The following MARCHF1 variants were observed in gnomAD, a reference collection of about 807,000 sequenced individuals.
The protein encoded by MARCHF1 is membrane associated ring-CH-type finger 1.
A neutral mutation model predicts 54.2 loss-of-function variants in MARCHF1; 40 were observed. That is an observed-to-expected ratio of 0.74 (90% CI 0.57 to 0.96). The LOEUF is 0.96. Ranked by LOEUF, MARCHF1 falls within the 40% of genes least tolerant of loss-of-function variation. The pLI is 0.00. For missense variants in MARCHF1, 586 were observed against 656.5 expected (o/e 0.89, Z 1.17); for synonymous variants, 236 against 236.3 (o/e 1.00, Z 0.01).
At chr4:163,834,112 CA>C (rs1749109357) in intron 4 of MARCHF1, among the ~76,000 whole-genome samples, 1 of 152,052 alleles carries the variant, frequency 6.6e-6, no homozygotes, top group Non-Finnish European at 1.5e-5. Flanking sequence ...TGTTCTCTAA[CA>C]AAAATAAAAC....
At chr4:164,296,575 G>T in intron 1 of MARCHF1, among the ~76,000 whole-genome samples, 1 of 151,864 alleles carries the variant, frequency 6.6e-6, no homozygotes, top group Admixed American at 6.6e-5. Context: ...TCACCATGTT[G>T]GCCAGGCTGG....
At chr4:164,188,495 T>G in intron 1 of MARCHF1, 1 of 679,622 alleles carries the variant, frequency 1.5e-6, no homozygotes, top group Non-Finnish European at 2.7e-6. Context: ...GACCACCTAC[T>G]GCTGCGTCTG....
chr4:163,673,319 T>A (rs1207834887), intron 5 of MARCHF1, among the ~76,000 whole-genome samples: 2 of 152,216 alleles, frequency 1.3e-5, no homozygotes, highest in Admixed American at 1.3e-4. Flanking sequence ...AATCTAAGGA[T>A]GTTGACGAGG....
intron 4 of MARCHF1, among the ~76,000 whole-genome samples, chr4:163,833,542 C>G (rs1749090938): frequency 6.6e-6 from 1 of 152,018 alleles, no homozygotes; most frequent in Non-Finnish European, 1.5e-5. Context: ...ACAACCCCAT[C>G]AAAAAGTGGG....
intron 1 of MARCHF1, among the ~76,000 whole-genome samples, chr4:164,179,687 T>A (rs1188975354): frequency 6.6e-6 from 1 of 152,028 alleles, no homozygotes; most frequent in Non-Finnish European, 1.5e-5. Context: ...TAGGCTAATA[T>A]AACAAATATC....
intron 8 of MARCHF1, among the ~76,000 whole-genome samples, chr4:163,565,456 T>G (rs1340560971): frequency 6.6e-6 from 1 of 152,112 alleles, no homozygotes; most frequent in Non-Finnish European, 1.5e-5. Flanking sequence ...CATCAAGAAA[T>G]CCATGGCAAT....
At chr4:163,900,890 T>G (rs1233912258) in intron 3 of MARCHF1, among the ~76,000 whole-genome samples, 1 of 152,202 alleles carries the variant, frequency 6.6e-6, no homozygotes, top group African/African-American at 2.4e-5. Context: ...ATATATCATT[T>G]AACAATTAAC....
intron 3 of MARCHF1, among the ~76,000 whole-genome samples, chr4:163,944,339 G>A (rs931566383): frequency 6.6e-6 from 1 of 152,092 alleles, no homozygotes; most frequent in East Asian, 1.9e-4. Context: ...GTGGTCAGTA[G>A]ATAAGACTCT....
chr4:164,356,123 C>G (rs934862723), intron 1 of MARCHF1, among the ~76,000 whole-genome samples: 1 of 126,264 alleles, frequency 7.9e-6, no homozygotes, highest in Non-Finnish European at 1.8e-5. Context: ...ACAACAGGTG[C>G]TGGAGAGGAT....
intron 2 of MARCHF1, among the ~76,000 whole-genome samples, chr4:164,085,582 T>C (rs943627017): frequency 4.0e-5 from 6 of 151,878 alleles, no homozygotes; most frequent in Admixed American, 1.3e-4. Context: ...CATTCCCTTA[T>C]TGGCATTTCA....
At chr4:163,577,253 A>G (rs1162464686) in intron 8 of MARCHF1, among the ~76,000 whole-genome samples, 2 of 152,060 alleles carry the variant, frequency 1.3e-5, no homozygotes, top group African/African-American at 4.8e-5. Flanking sequence ...TCCCTTAAGG[A>G]TCACTTATAA....
intron 4 of MARCHF1, among the ~76,000 whole-genome samples, chr4:163,713,067 T>C (rs939241033): frequency 6.6e-6 from 1 of 152,106 alleles, no homozygotes; most frequent in African/African-American, 2.4e-5. Flanking sequence ...TCTCTCTTCA[T>C]TATTTAGAGT....
intron 4 of MARCHF1, among the ~76,000 whole-genome samples, chr4:163,787,494 C>T (rs879640206): frequency 2.6e-5 from 4 of 151,480 alleles, no homozygotes; most frequent in Admixed American, 6.6e-5. Flanking sequence ...ACTAATCCTT[C>T]GGAAAATGCA....
At chr4:164,241,314 AG>A (rs1191743744) in intron 1 of MARCHF1, among the ~76,000 whole-genome samples, 1 of 152,186 alleles carries the variant, frequency 6.6e-6, no homozygotes, top group East Asian at 1.9e-4. Context: ...AAATACCTCC[AG>A]TCCTTCCACT....
At chr4:164,345,528 C>A (rs184697907) in intron 1 of MARCHF1, among the ~76,000 whole-genome samples, 33 of 151,416 alleles carry the variant, frequency 2.2e-4, no homozygotes, top group Admixed American at 1.1e-3. Flanking sequence ...CAAGATGGTG[C>A]CACTGCACTC....
intron 8 of MARCHF1, among the ~76,000 whole-genome samples, chr4:163,558,451 A>T (rs1236991230): frequency 1.3e-5 from 2 of 152,174 alleles, no homozygotes; most frequent in Non-Finnish European, 2.9e-5. Context: ...AGAAGATAGA[A>T]GGTTCTCTGG....
chr4:163,745,072 T>C lies in MARCHF1; in HGVS notation c.112-44209A>G, dbSNP rs150879297. On this transcript the variant is annotated intron_variant, in intron 4 of 9. Transcript: ENST00000514618. ...AGAAGTGAAACTTTTCATAAGAGAG[T>C]GCCAAGAAGTGTTGCATGCTCGTTT... is the stretch of plus-strand genomic sequence containing the variant. 4.7e-3 allele frequency among the ~76,000 whole-genome samples: 715 copies of C among 151,620 alleles called. 6 individuals carry two copies. The highest frequency in any genetic ancestry group is 0.013 in the African/African-American group (549 of 41,392).
intron 8 of MARCHF1, among the ~76,000 whole-genome samples, chr4:163,571,213 G>C (rs553926911): frequency 1.8e-4 from 27 of 152,042 alleles, no homozygotes; most frequent in Non-Finnish European, 3.8e-4. Context: ...GGACCTGTCT[G>C]GAATTACTAG....
At chr4:164,168,319 T>C (rs1730432922) in intron 1 of MARCHF1, among the ~76,000 whole-genome samples, 3 of 151,982 alleles carry the variant, frequency 2.0e-5, no homozygotes, top group Admixed American at 6.6e-5. Context: ...AGTGTATTGT[T>C]GGTAGGAATG....
Sources: allele counts gnomAD v4.1 joint callset (sites outside exome capture counted in the v4.1 genomes callset), GRCh38; gene constraint gnomAD v4.1.1; transcripts MANE v1.5; gene names NCBI Gene and HGNC (gene_info 2026-07-23, HGNC 2026-07-21).